Variants in UBASH3B observed in about 807,000 individuals in gnomAD.
UBASH3B encodes ubiquitin associated and SH3 domain containing B, also known as ubiquitin-associated and SH3 domain-containing protein B.
In UBASH3B, 37 loss-of-function variants were observed where a neutral mutation model predicts 83.4. The ratio of observed to expected loss-of-function variants is 0.44; its 90% confidence interval spans 0.34 to 0.58. The LOEUF (loss-of-function observed/expected upper bound fraction) is 0.58. Ranked by LOEUF, UBASH3B falls within the 20% of genes least tolerant of loss-of-function variation. UBASH3B has a pLI of 0.01. For missense variants in UBASH3B, 657 were observed against 827.2 expected, an observed-to-expected ratio of 0.79 and a Z score of 2.52; for synonymous variants, 304 against 318.3, an observed-to-expected ratio of 0.96 and a Z score of 0.48.
chr11:122,774,363 G>GGATA, intron 1 of UBASH3B: 3 of 937,174 alleles, frequency 3.2e-6, no homozygotes, highest in Non-Finnish European at 3.8e-6. Context: ...TAGGGGAAGG[G>GGATA]GATAGTCTTT....
At chr11:122,723,723 G>A (rs1456305594) in intron 1 of UBASH3B, among the ~76,000 whole-genome samples, 1 of 152,050 alleles carries the variant, frequency 6.6e-6, no homozygotes, top group African/African-American at 2.4e-5. Flanking sequence ...CGGTGGCTTA[G>A]AGAGTTAGTG....
chr11:122,720,589 T>A (rs76244507), intron 1 of UBASH3B, among the ~76,000 whole-genome samples: 2,079 of 152,306 alleles, frequency 0.014, 26 homozygotes, highest in Middle Eastern at 0.048. Context: ...TCTCTGAATC[T>A]GTTTCCTAGC....
At chr11:122,765,845 C>A (rs1233744897) in intron 1 of UBASH3B, among the ~76,000 whole-genome samples, 1 of 152,146 alleles carries the variant, frequency 6.6e-6, no homozygotes, top group African/African-American at 2.4e-5. Context: ...GTGTCTTCAC[C>A]CTCCCTTTAC....
At chr11:122,808,200 G>T (rs762405152) in intron 13 of UBASH3B, 24 bp downstream of exon 13, 92 of 1,580,874 alleles carry the variant, frequency 5.8e-5, no homozygotes, top group Non-Finnish European at 7.8e-5. Context: ...GTACTTTGGG[G>T]TCCGTGATGG....
intron 1 of UBASH3B, among the ~76,000 whole-genome samples, chr11:122,673,565 A>G (rs1026152725): frequency 6.6e-5 from 10 of 152,188 alleles, no homozygotes; most frequent in African/African-American, 9.7e-5. Context: ...AGGCTGAGGC[A>G]GGAGAATGGC....
Position 122,655,925 on chromosome 11 carries a change from G to T in UBASH3B, c.-125G>T. 9.2e-7 allele frequency: 1 copy of T among 1,089,790 alleles called. No individual in the cohort carries two copies. Among genetic ancestry groups the T allele is most frequent in the Non-Finnish European group, 1.2e-6 (1 of 816,116 alleles). 67.5% of individuals were successfully genotyped at this position (1,089,790 alleles called of 1,614,324 possible). On this transcript the variant is annotated 5_prime_UTR_variant, in exon 1 of 14. Transcript: ENST00000284273. ...TGGGGAAGCTCGGAGCGCCGCCTCC[G>T]CTGCCGCCGCCTCCTGCCTGGCTCT...
intron 1 of UBASH3B, among the ~76,000 whole-genome samples, chr11:122,688,978 C>CGGCG (rs1329196317): frequency 7.4e-6 from 1 of 135,544 alleles, no homozygotes; most frequent in African/African-American, 3.2e-5. Context: ...GGCGGGGAGG[C>CGGCG]GGGGGGGGGG....
intron 1 of UBASH3B, among the ~76,000 whole-genome samples, chr11:122,730,349 C>T (rs879303085): frequency 7.2e-5 from 11 of 152,102 alleles, no homozygotes; most frequent in Admixed American, 1.3e-4. Flanking sequence ...TCCCGCCTTT[C>T]CATGTGTCCC....
At position 122,656,076 on chromosome 11, in the gene UBASH3B, G is replaced by C; in HGVS notation, c.27G>C (p.Pro9=). The C allele has an allele frequency of 6.3e-7, 1 of 1,599,792 alleles. No individual in the cohort carries two copies. The highest frequency in any genetic ancestry group is 8.5e-7 in the Non-Finnish European group (1 of 1,174,506). Residue 9 remains proline, a synonymous_variant, in exon 1 of 14, where the codon CCG becomes CCC. Transcript: ENST00000284273. ...TGGCTCAGTACGGCCACCCCAGTCC[G>C]CTCGGCATGGCTGCGAGAGAGGAGC... is the stretch of plus-strand genomic sequence containing the variant. MAQYGHPS[P]LGMAAREELY... is the part of the protein sequence containing the mutation.
At chr11:122,720,821 C>T (rs1001790771) in intron 1 of UBASH3B, among the ~76,000 whole-genome samples, 1 of 152,040 alleles carries the variant, frequency 6.6e-6, no homozygotes, top group African/African-American at 2.4e-5. Context: ...TTATTTTTTC[C>T]AAAACGCTTA....
chr11:122,690,761 G>A (rs900384242), intron 1 of UBASH3B, among the ~76,000 whole-genome samples: 3 of 152,148 alleles, frequency 2.0e-5, no homozygotes, highest in East Asian at 1.9e-4. Flanking sequence ...TGAATGCCTC[G>A]GTTGTGGGAA....
intron 1 of UBASH3B, among the ~76,000 whole-genome samples, chr11:122,755,545 G>A (rs140171193): frequency 7.4e-4 from 113 of 152,238 alleles, no homozygotes; most frequent in African/African-American, 2.6e-3. Flanking sequence ...AATGAAAATG[G>A]CTCTGCAGGG....
intron 1 of UBASH3B, among the ~76,000 whole-genome samples, chr11:122,704,405 A>G (rs141542666): frequency 5.1e-4 from 78 of 152,250 alleles, no homozygotes; most frequent in Admixed American, 1.3e-3. Context: ...GCATGGGGGA[A>G]CCGAAGGGCT....
At chr11:122,713,451 G>T (rs1591782013) in intron 1 of UBASH3B, among the ~76,000 whole-genome samples, 1 of 152,172 alleles carries the variant, frequency 6.6e-6, no homozygotes, top group Non-Finnish European at 1.5e-5. Flanking sequence ...TAGATCTGTA[G>T]ATGCAAAAGG....
intron 1 of UBASH3B, among the ~76,000 whole-genome samples, chr11:122,702,709 G>A (rs1450873928): frequency 6.6e-6 from 1 of 151,960 alleles, no homozygotes; most frequent in East Asian, 1.9e-4. Context: ...ATTTTTAGTA[G>A]AGACAGGGTT....
intron 1 of UBASH3B, among the ~76,000 whole-genome samples, chr11:122,659,989 CT>C (rs1863415263): frequency 6.6e-6 from 1 of 152,202 alleles, no homozygotes; most frequent in South Asian, 2.1e-4. Context: ...GTGCTGTGGT[CT>C]TGCAAAAGTC....
Position 122,810,023 on chromosome 11 carries a change from T to A in UBASH3B, c.*137T>A. The A allele has an allele frequency of 9.3e-7, 1 of 1,070,752 alleles. No individual in the cohort carries two copies. Among genetic ancestry groups the A allele is most frequent in the Non-Finnish European group, 1.3e-6 (1 of 755,170 alleles). The allele number at this position is 1,070,752 out of a possible 1,614,324, so 66.3% of individuals were successfully genotyped here. ...GCATATTTCCTTTCACACTTAAAGT[T>A]CTTAAGATGAGACTGTGTAAATGAG... is the stretch of plus-strand genomic sequence containing the variant. On this transcript the variant is annotated 3_prime_UTR_variant, in exon 14 of 14. Coordinates refer to ENST00000284273, the MANE Select transcript of UBASH3B (RefSeq NM_032873.5).
rs183261822 is a variant in UBASH3B, at chr11:122,732,974, C to T, written c.162-43245C>T. On this transcript the variant is annotated intron_variant, in intron 1 of 13. Coordinates refer to ENST00000284273, the MANE Select transcript of UBASH3B (RefSeq NM_032873.5). ...AATTCCTGGCTTGTTATGATGTACCCGTCACTATACCTACATAATATCAAG... is the reference window on the plus strand; with the variant it reads ...AATTCCTGGCTTGTTATGATGTACCTGTCACTATACCTACATAATATCAAG... Among the ~76,000 whole-genome samples the T allele has an allele frequency of 4.6e-3, 698 of 152,236 alleles. 2 individuals carry two copies. The highest frequency in any genetic ancestry group is 5.7e-3 in the African/African-American group (238 of 41,548).
At chr11:122,800,860 G>A (rs556737060) in intron 10 of UBASH3B, among the ~76,000 whole-genome samples, 6 of 152,134 alleles carry the variant, frequency 3.9e-5, no homozygotes, top group African/African-American at 7.2e-5. Flanking sequence ...GCCCTCCTCC[G>A]CCTCCCAAAG....
Sources: allele counts gnomAD v4.1 joint callset (sites outside exome capture counted in the v4.1 genomes callset), GRCh38; gene constraint gnomAD v4.1.1; transcripts MANE v1.5; gene names NCBI Gene and HGNC (gene_info 2026-07-23, HGNC 2026-07-21).